The following CORO7 variants were observed in gnomAD, a reference collection of about 807,000 sequenced individuals.
CORO7 encodes the protein coronin 7.
In CORO7, 107 loss-of-function variants were observed where a neutral mutation model predicts 126.6. The observed-to-expected ratio is 0.85, with a 90% CI of 0.72 to 0.99. The LOEUF (loss-of-function observed/expected upper bound fraction) is 0.99. Ranked by LOEUF, CORO7 falls within the 50% of genes least tolerant of loss-of-function variation. The pLI, the probability that CORO7 is intolerant of heterozygous loss-of-function variation, is 0.00. For synonymous variants in CORO7, 603 were observed against 536.8 expected (o/e 1.12, Z -1.70); for missense variants, 1,314 against 1,255.8 (o/e 1.05, Z -0.70).
intron 6 of CORO7, among the ~76,000 whole-genome samples, chr16:4,404,866 C>T (rs555332148): frequency 5.9e-5 from 9 of 152,240 alleles, no homozygotes; most frequent in African/African-American, 1.4e-4. Context: ...AATGCGAATC[C>T]GCTCCCCTCA....
At chr16:4,359,263 C>A in intron 23 of CORO7, 33 bp downstream of exon 23, 1 of 1,561,370 alleles carries the variant, frequency 6.4e-7, no homozygotes, top group Non-Finnish European at 8.7e-7. Context: ...GCCTTGTGGT[C>A]CCATCGGGGA....
rs2055278297 is a variant in CORO7, at chr16:4,388,608, G to A, written c.639C>T (p.Ser213=). Residue 213 remains serine, a synonymous_variant, in exon 8 of 28, where the codon AGC becomes AGT. Transcript: ENST00000251166. ...ASQSTQAHEN[S]RDSRLAWMGT... ...CCATCCATGCCAGCCGGCTATCCCT[G>A]CTGTTCTCATGGGCCTGCGTGCTCT... 4.3e-6 allele frequency: 7 copies of A among 1,612,816 alleles called. No individual in the cohort carries two copies. Among genetic ancestry groups the A allele is most frequent in the Non-Finnish European group, 5.9e-6 (7 of 1,179,710 alleles).
intron 9 of CORO7, among the ~76,000 whole-genome samples, chr16:4,373,904 G>A (rs2054621591): frequency 6.6e-6 from 1 of 152,102 alleles, no homozygotes; most frequent in Admixed American, 6.5e-5. Context: ...GGCCAGCCCT[G>A]AGCTCATGGG....
rs1222401746 is a variant in CORO7, at chr16:4,356,741, GC to G, written c.2685+426del. 20 of 210,666 alleles carry G rather than the reference GC, an allele frequency of 9.5e-5. 1 individual carries two copies. The South Asian group carries it at 1.1e-3, about 12-fold the overall frequency. 13.0% of individuals were successfully genotyped at this position (210,666 alleles called of 1,614,324 possible). On this transcript the variant is annotated intron_variant, in intron 26 of 27. Coordinates refer to ENST00000251166, the MANE Select transcript of CORO7 (RefSeq NM_024535.5). ...AACCACCGTGCCCGGCCTCAAAAGAGCCATTTTAATTACAGCCCTGACAAAA... is the reference window on the plus strand; with the variant it reads ...AACCACCGTGCCCGGCCTCAAAAGAGCATTTTAATTACAGCCCTGACAAAA...
At chr16:4,401,323 G>A (rs1416855434) in intron 6 of CORO7, among the ~76,000 whole-genome samples, 1 of 152,236 alleles carries the variant, frequency 6.6e-6, no homozygotes, top group East Asian at 1.9e-4. Flanking sequence ...GGGGGCCGTG[G>A]GCACACGCAT....
At chr16:4,395,175 G>A in intron 7 of CORO7, 114 bp downstream of exon 7, 1 of 1,481,372 alleles carries the variant, frequency 6.8e-7, no homozygotes, top group Non-Finnish European at 9.2e-7. Context: ...CCCTGGTGCT[G>A]CAGAACATGT....
At position 4,360,546 on chromosome 16, in the gene CORO7, G is replaced by T; in HGVS notation, c.1920C>A (p.Ile640=). The T allele has an allele frequency of 6.2e-7, 1 of 1,600,516 alleles. No homozygotes were observed. The highest frequency in any genetic ancestry group is 8.5e-7 in the Non-Finnish European group (1 of 1,174,060). Residue 640 remains isoleucine, a splice_region_variant and synonymous_variant, in exon 20 of 28, where the codon ATC becomes ATA. Transcript: ENST00000251166. ...RLKLQGHQDQ[I]FSLAWSPDGQ... Reference sequence around the variant, plus strand: ...CATCAGGACTCCAGGCCAGGCTGAAGATCTGGGGGCAGGAAGGGATATGAG... The same window carrying T: ...CATCAGGACTCCAGGCCAGGCTGAATATCTGGGGGCAGGAAGGGATATGAG...
In CORO7 at chr16:4,415,869, C is replaced by G. The variant is rs149097206; in HGVS notation, c.60+590G>C. 1,696 of 985,588 alleles carry G rather than the reference C, an allele frequency of 1.7e-3. 26 individuals are homozygous for G. The African/African-American group carries it at 0.028, about 16-fold the overall frequency. The allele number at this position is 985,588 out of a possible 1,614,324, so 61.1% of individuals were successfully genotyped here. ...CTGCTCAGGCTTCCCCAGGCCCCACCCAGCCGTGGCAGCATCACCGAGATA... is the reference window on the plus strand; with the variant it reads ...CTGCTCAGGCTTCCCCAGGCCCCACGCAGCCGTGGCAGCATCACCGAGATA... On this transcript the variant is annotated intron_variant, in intron 1 of 27. Transcript: ENST00000251166.
At chr16:4,404,344 C>A (rs930653587) in intron 6 of CORO7, among the ~76,000 whole-genome samples, 10 of 152,132 alleles carry the variant, frequency 6.6e-5, no homozygotes, top group Admixed American at 2.0e-4. Context: ...GTGGTACCCA[C>A]GGCCGCCTCC....
chr16:4,380,596 G>A (rs915231779), intron 9 of CORO7, among the ~76,000 whole-genome samples: 15 of 152,248 alleles, frequency 9.9e-5, no homozygotes, highest in African/African-American at 2.9e-4. Context: ...AGGAGGGCCT[G>A]GGGTTCAGGA....
At chr16:4,401,778 G>A (rs1389824344) in intron 6 of CORO7, among the ~76,000 whole-genome samples, 8 of 152,202 alleles carry the variant, frequency 5.3e-5, no homozygotes, top group Non-Finnish European at 1.2e-4. Flanking sequence ...GGCAGGACAC[G>A]ACATCCAGCA....
Position 4,361,260 on chromosome 16 carries a change from A to G in CORO7, c.1688-12T>C. 1.2e-6 allele frequency: 2 copies of G among 1,612,450 alleles called. No individual in the cohort carries two copies. The highest frequency in any genetic ancestry group is 1.1e-5 in the South Asian group (1 of 91,064). ...GGCGTCCTCACCAGCTGCAGAGGAC[A>G]GACAGGGGCTCATCATTGCTGAGCC... On this transcript the variant is annotated splice_polypyrimidine_tract_variant and intron_variant, in intron 17 of 27. Coordinates refer to ENST00000251166, the MANE Select transcript of CORO7 (RefSeq NM_024535.5).
chr16:4,400,056 G>A (rs916882655), intron 6 of CORO7, among the ~76,000 whole-genome samples: 3 of 152,148 alleles, frequency 2.0e-5, no homozygotes, highest in African/African-American at 7.2e-5. Flanking sequence ...TGGGAGGAGG[G>A]CGGAAGGGAT....
chr16:4,388,569 G>T lies in CORO7; in HGVS notation c.678C>A (p.His226Gln). Residue 226 changes from histidine (H) to glutamine (Q), a missense_variant, in exon 8 of 28, where the codon CAC (histidine) becomes CAA (glutamine). By Grantham distance (24) the His-to-Gln change is conservative. Transcript: ENST00000251166. Reference sequence around the variant, plus strand: ...CCTGGTTGAATCCAGTAGACACAAGGTGCTCCCAGGTGCCCATCCATGCCA... The same window carrying T: ...CCTGGTTGAATCCAGTAGACACAAGTTGCTCCCAGGTGCCCATCCATGCCA... ...SRLAWMGTWE[H>Q]LVSTGFNQMR... 6.2e-7 allele frequency: 1 copy of T among 1,612,976 alleles called. No homozygotes were observed. The highest frequency in any genetic ancestry group is 8.5e-7 in the Non-Finnish European group (1 of 1,179,806).
chr16:4,415,679 TAGGCCCAGTTATCGGAGGACACTCCC>T, intron 1 of CORO7: 1 of 983,600 alleles, frequency 1.0e-6, no homozygotes, highest in Non-Finnish European at 1.2e-6. Context: ...GGTCAACTCC[TAGGCCCAGTTATCGGAGGACACTCCC>T]AGGCCTTACA....
intron 6 of CORO7, among the ~76,000 whole-genome samples, chr16:4,396,784 G>C (rs1157037776): frequency 6.6e-6 from 1 of 152,040 alleles, no homozygotes; most frequent in African/African-American, 2.4e-5. Flanking sequence ...GCGAGGCTGA[G>C]GTGGGTGGAT....
chr16:4,361,645 C>A, intron 16 of CORO7, 176 bp from the exon 17 acceptor site: 1 of 838,206 alleles, frequency 1.2e-6, no homozygotes, highest in Non-Finnish European at 1.9e-6. Flanking sequence ...CAAGTGCCAA[C>A]CACAAGGCCC....
chr16:4,372,375 T>C (rs1425994346), intron 9 of CORO7, among the ~76,000 whole-genome samples: 2 of 152,244 alleles, frequency 1.3e-5, no homozygotes, highest in Non-Finnish European at 2.9e-5. Context: ...CACTTTTCCC[T>C]CCTGGGGTCC....
intron 6 of CORO7, among the ~76,000 whole-genome samples, chr16:4,396,729 C>T (rs1237784393): frequency 6.6e-6 from 1 of 152,006 alleles, no homozygotes; most frequent in Non-Finnish European, 1.5e-5. Context: ...ATGAAAAACA[C>T]CACCAGCCAG....
Sources: allele counts gnomAD v4.1 joint callset (sites outside exome capture counted in the v4.1 genomes callset), GRCh38; gene constraint gnomAD v4.1.1; transcripts MANE v1.5; gene names NCBI Gene and HGNC (gene_info 2026-07-23, HGNC 2026-07-21).